The following ZNF469 variants were observed in gnomAD, a reference collection of about 807,000 sequenced individuals.
ZNF469 encodes the protein zinc finger protein 469.
ZNF469 carries 1 observed loss-of-function variant against 1.0 expected under a neutral mutation model. That is an observed-to-expected ratio of 1.00 (90% CI 0.35 to 4.73). The LOEUF is 4.73. Among genes scored for constraint, ZNF469 ranks in the 30% most tolerant of loss-of-function variants. ZNF469 has a pLI of 0.16. For missense variants in ZNF469, 6,100 were observed against 5,356.3 expected (o/e 1.14, Z -4.33); for synonymous variants, 2,703 against 2,363.4 (o/e 1.14, Z -4.17).
At chr16:88,381,417 C>A (rs940975466), upstream of ZNF469, among the ~76,000 whole-genome samples, 2 of 150,526 alleles carry the variant, frequency 1.3e-5, no homozygotes, top group Non-Finnish European at 3.0e-5. Context: ...CACAGACATG[C>A]ACTCTCTCAC....
the ZNF469 span, among the ~76,000 whole-genome samples, chr16:88,216,364 G>T: frequency 9.2e-5 from 14 of 152,102 alleles, no homozygotes; most frequent in African/African-American, 3.4e-4. Context: ...CGCGGTGGTG[G>T]GTGCCTGTAG....
the ZNF469 span, among the ~76,000 whole-genome samples, chr16:88,360,485 C>CATG: frequency 6.9e-6 from 1 of 145,730 alleles, no homozygotes; most frequent in East Asian, 2.1e-4. Context: ...CCCCAGACAG[C>CATG]GCCCGCATGC....
chr16:88,146,700 C>T, the ZNF469 span, among the ~76,000 whole-genome samples: 7 of 152,078 alleles, frequency 4.6e-5, no homozygotes, highest in African/African-American at 1.7e-4. Flanking sequence ...CTCCCTGGCC[C>T]TCCACACAGC....
At chr16:88,142,722 C>T in the ZNF469 span, among the ~76,000 whole-genome samples, 2 of 152,212 alleles carry the variant, frequency 1.3e-5, no homozygotes, top group South Asian at 4.1e-4. Flanking sequence ...TGGGGAGGCT[C>T]ATCAGCTCAC....
chr16:88,379,267 G>A (rs8044803), upstream of ZNF469, among the ~76,000 whole-genome samples: 35,979 of 152,000 alleles, frequency 0.24, 6,539 homozygotes, highest in East Asian at 0.53. Context: ...TGGCTCAGTG[G>A]CTGTGGGTAA....
chr16:88,166,798 CACAA>C, the ZNF469 span, among the ~76,000 whole-genome samples: 1 of 151,700 alleles, frequency 6.6e-6, no homozygotes, highest in Non-Finnish European at 1.5e-5. This position sits in a 1 kb window ranked among gnomAD's most constrained non-coding sequence, Gnocchi z 4.5. Flanking sequence ...CACACACACA[CACAA>C]ATACATATAA....
In ZNF469 at chr16:88,413,540, T is replaced by G. The variant is rs113003192; in HGVS notation, c.-191-11267T>G. ...TCAGCCCCACTGGGCCCCGCCGTCC[T>G]GCCTGCCTGTGAACCCAGGCCTCTG... On this transcript the variant is annotated intron_variant, in intron 1 of 2. Coordinates refer to ENST00000565624, the MANE Select transcript of ZNF469 (RefSeq NM_001367624.2). Among the ~76,000 whole-genome samples, 512 of 152,386 alleles carry G rather than the reference T, an allele frequency of 3.4e-3. 4 individuals are homozygous for G. Among genetic ancestry groups the G allele is most frequent in the African/African-American group, 0.012 (479 of 41,596 alleles).
chr16:88,367,385 G>A, the ZNF469 span, among the ~76,000 whole-genome samples: 4 of 152,328 alleles, frequency 2.6e-5, no homozygotes, highest in South Asian at 2.1e-4. Context: ...CGTGAGTGAC[G>A]GAGCTGTGAT....
In ZNF469 at chr16:88,432,906, C is replaced by T. The variant is rs767773120; in HGVS notation, c.5436C>T (p.Asp1812=). Residue 1812 remains aspartate (D), a synonymous_variant, in exon 3 of 3, where the codon GAC becomes GAT. Transcript: ENST00000565624. Reference sequence around the variant, plus strand: ...CCCCTGACTTGGCATTTCAGGGTGACGGGGCTCCACCTCTGGATGCCACCT... The same window carrying T: ...CCCCTGACTTGGCATTTCAGGGTGATGGGGCTCCACCTCTGGATGCCACCT... ...HLAPDLAFQG[D]GAPPLDATWP... The T allele has an allele frequency of 5.1e-5, 79 of 1,550,250 alleles. No individual in the cohort carries two copies. In the African/African-American group the frequency reaches 6.4e-4, roughly 13 times the overall value.
chr16:88,422,341 A>G (rs1253589269), intron 1 of ZNF469, among the ~76,000 whole-genome samples: 4 of 124,490 alleles, frequency 3.2e-5, no homozygotes, highest in African/African-American at 9.4e-5. Context: ...GGATGGGTGA[A>G]TGGGCAGGTG....
chr16:88,251,745 G>A, the ZNF469 span, among the ~76,000 whole-genome samples: 7 of 151,618 alleles, frequency 4.6e-5, no homozygotes, highest in African/African-American at 1.7e-4. Context: ...TTTGAGTAAA[G>A]ACAGGGTTTC....
intron 1 of ZNF469, among the ~76,000 whole-genome samples, chr16:88,401,903 G>A: frequency 7.4e-6 from 1 of 134,688 alleles, no homozygotes; most frequent in East Asian, 2.1e-4. Context: ...TGAGTGGATG[G>A]ATGGAGGGAT....
the ZNF469 span, among the ~76,000 whole-genome samples, chr16:88,235,723 A>G: frequency 6.6e-6 from 1 of 152,264 alleles, no homozygotes; most frequent in African/African-American, 2.4e-5. Context: ...TGAAAAAAAC[A>G]TCTAACTCCA....
Position 88,431,010 on chromosome 16 carries a change from G to A in ZNF469, c.3540G>A (p.Thr1180=), listed in dbSNP as rs537650415. ...QARGPSRSLE[T]GAAAREGGPK... is the part of the protein sequence containing the mutation. The stretch of plus-strand genomic sequence containing the variant: ...GTGGCCCGTCTCGAAGCCTGGAGAC[G>A]GGAGCGGCCGCCAGGGAGGGAGGCC... The change falls in exon 3 of 3, where the codon ACG becomes ACA. Residue 1180 remains threonine, a synonymous_variant. Transcript: ENST00000565624. 4 of 1,543,416 alleles carry A rather than the reference G, an allele frequency of 2.6e-6. No individual in the cohort carries two copies. The highest frequency in any genetic ancestry group is 2.4e-5 in the East Asian group (1 of 40,868).
At chr16:88,154,314 C>T in the ZNF469 span, among the ~76,000 whole-genome samples, 8 of 152,304 alleles carry the variant, frequency 5.3e-5, no homozygotes, top group African/African-American at 1.2e-4. Context: ...TGCGCCACCA[C>T]GCCCAGCTAA....
At chr16:88,204,421 T>C in the ZNF469 span, among the ~76,000 whole-genome samples, 1 of 152,112 alleles carries the variant, frequency 6.6e-6, no homozygotes, top group African/African-American at 2.4e-5. Flanking sequence ...CCAGGAGAGA[T>C]TCTGGGAAGC....
the ZNF469 span, among the ~76,000 whole-genome samples, chr16:88,164,714 C>T: frequency 6.6e-6 from 1 of 152,172 alleles, no homozygotes; most frequent in Non-Finnish European, 1.5e-5. Context: ...GGCTGGCCAT[C>T]AGGGCAGGGG....
chr16:88,432,244 G>A lies in ZNF469; in HGVS notation c.4774G>A (p.Glu1592Lys). Residue 1592 changes from glutamate (E) to lysine (K), a missense_variant, in exon 3 of 3, where the codon GAG becomes AAG. Coordinates refer to ENST00000565624, the MANE Select transcript of ZNF469 (RefSeq NM_001367624.2). ...RGAPRELAEA[E>K]SVGRVELGTG... ...GGCCCCGAGAGAGCTTGCAGAAGCTGAGTCGGTGGGCAGGGTGGAGCTCGG... is the reference window on the plus strand; with the variant it reads ...GGCCCCGAGAGAGCTTGCAGAAGCTAAGTCGGTGGGCAGGGTGGAGCTCGG... 1.9e-6 allele frequency: 3 copies of A among 1,548,836 alleles called. No homozygotes were observed. The highest frequency in any genetic ancestry group is 2.6e-6 in the Non-Finnish European group (3 of 1,146,988).
chr16:88,168,956 A>G, the ZNF469 span, among the ~76,000 whole-genome samples: 1 of 152,108 alleles, frequency 6.6e-6, no homozygotes, highest in South Asian at 2.1e-4. The surrounding 1 kb of genome is among the most constrained non-coding windows in gnomAD (Gnocchi z 4.3). Flanking sequence ...TTAGAATCTG[A>G]AAGGGCAGGA....
Sources: allele counts gnomAD v4.1 joint callset (sites outside exome capture counted in the v4.1 genomes callset), GRCh38; gene constraint gnomAD v4.1.1; non-coding constraint Gnocchi (gnomAD v3.1); transcripts MANE v1.5; gene names NCBI Gene and HGNC (gene_info 2026-07-23, HGNC 2026-07-21).